Variants in GRM8 observed in about 807,000 individuals in gnomAD.
GRM8 encodes glutamate metabotropic receptor 8.
A neutral mutation model predicts 87.2 loss-of-function variants in GRM8; 47 were observed. The observed-to-expected ratio is 0.54, with a 90% confidence interval of 0.43 to 0.69. The LOEUF is 0.69. Among genes scored for constraint, GRM8 ranks in the 30% least tolerant of loss-of-function variants. GRM8 has a pLI of 0.00. For synonymous variants in GRM8, 396 were observed against 404.5 expected (o/e 0.98, Z 0.25); for missense variants, 1,019 against 1,139.2 (o/e 0.89, Z 1.52).
At chr7:126,816,520 T>C (rs1200160242) in intron 6 of GRM8, among the ~76,000 whole-genome samples, 1 of 152,156 alleles carries the variant, frequency 6.6e-6, no homozygotes, top group Non-Finnish European at 1.5e-5. Flanking sequence ...ATTCAATATA[T>C]ATCTAACCTT....
chr7:126,799,392 G>A (rs1322476051), intron 6 of GRM8, among the ~76,000 whole-genome samples: 1 of 152,108 alleles, frequency 6.6e-6, no homozygotes, highest in African/African-American at 2.4e-5. Context: ...CAGTAGTGAG[G>A]AGCATGTTGG....
intron 7 of GRM8, among the ~76,000 whole-genome samples, chr7:126,615,205 G>C (rs1452595020): frequency 6.6e-6 from 1 of 152,212 alleles, no homozygotes; most frequent in African/African-American, 2.4e-5. Flanking sequence ...CCAGAAGAGA[G>C]TGGGGGCCAA....
intron 3 of GRM8, among the ~76,000 whole-genome samples, chr7:126,977,915 G>A (rs1811171563): frequency 6.6e-6 from 1 of 152,008 alleles, no homozygotes; most frequent in Admixed American, 6.6e-5. Context: ...AAATTTTAAA[G>A]TACTTATAGA....
At chr7:127,043,310 G>A (rs1449227046) in intron 3 of GRM8, among the ~76,000 whole-genome samples, 12 of 152,206 alleles carry the variant, frequency 7.9e-5, no homozygotes, top group Non-Finnish European at 1.5e-4. Context: ...AAAGACACAT[G>A]CACATGTATG....
In GRM8 at chr7:127,222,091, G is replaced by A. The variant is rs146999313; in HGVS notation, c.510+20604C>T. Among the ~76,000 whole-genome samples, 634 of 152,336 alleles carry A rather than the reference G, an allele frequency of 4.2e-3. 6 individuals are homozygous for A. Among genetic ancestry groups the A allele is most frequent in the African/African-American group, 0.015 (615 of 41,568 alleles). ...CTTAAATGGTGAAATCTCTTAAACA[G>A]AGAATGAGGGTTTTCATTACAGCAT... On this transcript the variant is annotated intron_variant, in intron 2 of 10. Transcript: ENST00000339582.
intron 2 of GRM8, among the ~76,000 whole-genome samples, chr7:127,196,533 AC>A (rs1464142980): frequency 5.0e-4 from 68 of 136,500 alleles, no homozygotes; most frequent in African/African-American, 1.6e-3. Flanking sequence ...AAACAAACAA[AC>A]AAAAAAAAAA....
intron 3 of GRM8, among the ~76,000 whole-genome samples, chr7:127,037,574 A>T (rs931178591): frequency 6.6e-6 from 1 of 152,118 alleles, no homozygotes; most frequent in Admixed American, 6.6e-5. Context: ...TCAAAGTATT[A>T]CCATCCTGCT....
At chr7:126,532,912 A>G in intron 9 of GRM8, 40 bp downstream of exon 9, 1 of 1,211,604 alleles carries the variant, frequency 8.3e-7, no homozygotes, top group Admixed American at 2.0e-5. Context: ...AAGATGTTAA[A>G]TCCAGGAAAA....
intron 6 of GRM8, among the ~76,000 whole-genome samples, chr7:126,899,150 T>A (rs1235239205): frequency 6.7e-6 from 1 of 149,498 alleles, no homozygotes. Context: ...TCCATCCATT[T>A]CATTAACTGG....
chr7:126,521,191 G>C (rs188396162), intron 9 of GRM8, among the ~76,000 whole-genome samples: 1 of 152,190 alleles, frequency 6.6e-6, no homozygotes, highest in South Asian at 2.1e-4. Context: ...AAGTACATAC[G>C]TGTGTGTAAT....
At chr7:127,065,521 T>A (rs1214680504) in intron 3 of GRM8, among the ~76,000 whole-genome samples, 2 of 151,910 alleles carry the variant, frequency 1.3e-5, no homozygotes, top group East Asian at 3.9e-4. Flanking sequence ...CTAAAATAAA[T>A]TAAATGTTTT....
intron 3 of GRM8, among the ~76,000 whole-genome samples, chr7:126,963,413 T>C (rs1281421154): frequency 6.6e-6 from 1 of 152,216 alleles, no homozygotes; most frequent in Admixed American, 6.5e-5. Context: ...CATGATTATA[T>C]ATTTAGAAAA....
At chr7:126,472,539 T>C (rs1805399341) in intron 9 of GRM8, among the ~76,000 whole-genome samples, 2 of 152,136 alleles carry the variant, frequency 1.3e-5, no homozygotes, top group Non-Finnish European at 2.9e-5. Context: ...AAACTTATAC[T>C]TAAAATGGAA....
intron 7 of GRM8, among the ~76,000 whole-genome samples, chr7:126,626,183 C>T (rs1800668108): frequency 6.6e-6 from 1 of 150,844 alleles, no homozygotes. Flanking sequence ...GGTCTTTCAT[C>T]AACTAGTCCA....
chr7:127,129,232 C>A lies in GRM8; in HGVS notation c.511-22520G>T, dbSNP rs150116624. On this transcript the variant is annotated intron_variant, in intron 2 of 10. Transcript: ENST00000339582. ...AAGGTATAAACCAGAAAATTATTAG[C>A]CTTTCAGTTGAGGTATAAACAAGAC... Among the ~76,000 whole-genome samples, 477 of 152,170 alleles carry A rather than the reference C, an allele frequency of 3.1e-3. 3 individuals carry two copies. The highest frequency in any genetic ancestry group is 5.7e-3 in the Non-Finnish European group (388 of 67,990).
At chr7:127,069,726 C>T (rs1006355539) in intron 3 of GRM8, among the ~76,000 whole-genome samples, 16 of 152,160 alleles carry the variant, frequency 1.1e-4, no homozygotes, top group Non-Finnish European at 2.4e-4. Context: ...ATAAATATTC[C>T]TTTACAAATG....
intron 7 of GRM8, among the ~76,000 whole-genome samples, chr7:126,700,740 A>C (rs1446252118): frequency 6.6e-6 from 1 of 152,148 alleles, no homozygotes; most frequent in Non-Finnish European, 1.5e-5. Flanking sequence ...TTTAAGTTAC[A>C]TTCAGTCAAA....
intron 7 of GRM8, among the ~76,000 whole-genome samples, chr7:126,622,512 T>C (rs1251247538): frequency 6.6e-6 from 1 of 152,080 alleles, no homozygotes; most frequent in Non-Finnish European, 1.5e-5. Context: ...ACCGCCTACC[T>C]GTATCCACAC....
At chr7:127,098,268 T>C (rs1272881248) in intron 3 of GRM8, among the ~76,000 whole-genome samples, 2 of 152,240 alleles carry the variant, frequency 1.3e-5, no homozygotes, top group Non-Finnish European at 2.9e-5. Flanking sequence ...TCATTCATAG[T>C]ATTTTACAAC....
Sources: gnomAD v4.1 joint callset for allele counts (sites outside exome capture counted in the v4.1 genomes callset) on GRCh38, gnomAD v4.1.1 for gene constraint, MANE v1.5 for transcripts, NCBI Gene and HGNC (gene_info 2026-07-23, HGNC 2026-07-21) for gene names.